Variants in TLK1 observed in about 807,000 individuals in gnomAD.
TLK1 encodes tousled like kinase 1.
In TLK1, 24 loss-of-function variants were observed where a neutral mutation model predicts 105.3. That is an observed-to-expected ratio of 0.23 (90% confidence interval 0.17 to 0.32). The LOEUF is 0.32. TLK1 is among the 10% of genes least tolerant of loss of function. TLK1 has a pLI of 1.00. For missense variants in TLK1, 558 were observed against 910.5 expected, an observed-to-expected ratio of 0.61 and a Z score of 4.98; for synonymous variants, 321 against 310.4, an observed-to-expected ratio of 1.03 and a Z score of -0.36.
intron 1 of TLK1, among the ~76,000 whole-genome samples, chr2:171,167,072 C>A (rs920260376): frequency 6.6e-6 from 1 of 152,158 alleles, no homozygotes; most frequent in Non-Finnish European, 1.5e-5. Context: ...GTGGTTACCT[C>A]CTTCAAGGAA....
At chr2:171,052,713 T>C (rs1289021590) in intron 8 of TLK1, among the ~76,000 whole-genome samples, 1 of 152,116 alleles carries the variant, frequency 6.6e-6, no homozygotes, top group Non-Finnish European at 1.5e-5. Flanking sequence ...CACCAAGGCA[T>C]CACAAATACA....
At chr2:171,072,639 G>A (rs1260676527) in intron 3 of TLK1, among the ~76,000 whole-genome samples, 1 of 152,114 alleles carries the variant, frequency 6.6e-6, no homozygotes, top group Non-Finnish European at 1.5e-5. Flanking sequence ...GTGGTGGTGG[G>A]CGCCTGTAAT....
intron 1 of TLK1, among the ~76,000 whole-genome samples, chr2:171,222,884 G>T (rs1460074576): frequency 1.3e-5 from 2 of 151,974 alleles, no homozygotes; most frequent in East Asian, 3.9e-4. Context: ...GTGCAATCTC[G>T]GCTCACTGCA....
chr2:170,997,823 C>T lies in TLK1; in HGVS notation c.1905G>A (p.Trp635Ter). Residue 635 changes from tryptophan (W) to a stop codon, truncating the protein, a stop_gained and splice_region_variant, in exon 19 of 21, where the codon TGG (tryptophan) becomes TGA (stop). Coordinates refer to ENST00000431350, the MANE Select transcript of TLK1 (RefSeq NM_012290.5). LOFTEE classifies it high-confidence loss of function. ...CTACAAAACACTCAGGAGGTAAATA[C>T]CTGTAAGTTTTGTGGGAGAGAAAAA... ...DLTSQGAGTY[W>*]YLPPECFVVG... The T allele has an allele frequency of 6.3e-7, 1 of 1,580,234 alleles. No individual in the cohort carries two copies. Among genetic ancestry groups the T allele is most frequent in the Non-Finnish European group, 8.6e-7 (1 of 1,158,674 alleles).
At chr2:171,062,575 C>T (rs888807811) in intron 3 of TLK1, among the ~76,000 whole-genome samples, 1 of 152,168 alleles carries the variant, frequency 6.6e-6, no homozygotes, top group African/African-American at 2.4e-5. Flanking sequence ...CCCTATCTCA[C>T]CCTCTTACCC....
intron 11 of TLK1, among the ~76,000 whole-genome samples, chr2:171,040,561 CTTTT>C (rs1181007351): frequency 1.6e-5 from 2 of 123,614 alleles, no homozygotes; most frequent in African/African-American, 3.0e-5. Context: ...AAATATATTC[CTTTT>C]TTGTTTTTTT....
In TLK1 at chr2:171,046,239, T is replaced by C. The variant is rs777083135; in HGVS notation, c.1104A>G (p.Gln368=). 6.2e-7 allele frequency: 1 copy of C among 1,613,292 alleles called. No homozygotes were observed. Among genetic ancestry groups the C allele is most frequent in the East Asian group, 2.2e-5 (1 of 44,842 alleles). Residue 368 remains glutamine, a synonymous_variant, in exon 11 of 21, where the codon CAA becomes CAG. Transcript: ENST00000431350. ...QAPSTNSEPK[Q]RKNKAVNGAE... ...CTCCATTGACTGCTTTGTTTTTCCT[T>C]TGTTTTGGTTCAGAATTGGTAGAGG...
intron 1 of TLK1, among the ~76,000 whole-genome samples, chr2:171,184,025 T>C (rs569665074): frequency 1.3e-5 from 2 of 152,188 alleles, no homozygotes; most frequent in Non-Finnish European, 1.5e-5. Context: ...GTGGGTCCAA[T>C]CTAATCACAC....
At chr2:171,019,117 T>TA (rs796590531) in intron 12 of TLK1, among the ~76,000 whole-genome samples, 415 of 146,406 alleles carry the variant, frequency 2.8e-3, no homozygotes, top group African/African-American at 5.4e-3. Flanking sequence ...CAGTTAAAAT[T>TA]AAAAAAAAAA....
At chr2:171,186,692 T>C (rs1010511860) in intron 1 of TLK1, among the ~76,000 whole-genome samples, 1 of 152,166 alleles carries the variant, frequency 6.6e-6, no homozygotes, top group Non-Finnish European at 1.5e-5. Flanking sequence ...GCTTAAATAA[T>C]CACTTTGTAA....
chr2:171,230,887 G>A (rs1009092680), intron 1 of TLK1, among the ~76,000 whole-genome samples: 1 of 152,188 alleles, frequency 6.6e-6, no homozygotes, highest in Non-Finnish European at 1.5e-5. Context: ...ACTGACTTCA[G>A]TTTCCACTAT....
chr2:171,069,536 A>C (rs1216954971), intron 3 of TLK1, among the ~76,000 whole-genome samples: 1 of 152,240 alleles, frequency 6.6e-6, no homozygotes. Context: ...GTACAGAGGC[A>C]GAGATGCTGC....
intron 1 of TLK1, among the ~76,000 whole-genome samples, chr2:171,167,714 A>G (rs541181678): frequency 2.0e-5 from 3 of 152,340 alleles, no homozygotes; most frequent in African/African-American, 7.2e-5. Context: ...TGGAATTACT[A>G]GATTCTCAAA....
intron 1 of TLK1, among the ~76,000 whole-genome samples, chr2:171,132,080 G>C (rs755624044): frequency 6.6e-6 from 1 of 152,118 alleles, no homozygotes; most frequent in Non-Finnish European, 1.5e-5. Flanking sequence ...CTGCTATGAA[G>C]AAATACCTGA....
At chr2:171,058,852 A>C (rs989960108) in intron 4 of TLK1, among the ~76,000 whole-genome samples, 1 of 152,198 alleles carries the variant, frequency 6.6e-6, no homozygotes, top group Non-Finnish European at 1.5e-5. Context: ...ACTATACAGA[A>C]TACACGATTT....
At position 170,993,833 on chromosome 2, in the gene TLK1, C is replaced by T; in HGVS notation, c.2248G>A (p.Ala750Thr). The T allele has an allele frequency of 9.3e-6, 15 of 1,612,194 alleles. No homozygotes were observed. The highest frequency in any genetic ancestry group is 1.2e-5 in the Non-Finnish European group (14 of 1,179,212). The change falls in exon 21 of 21, where the codon GCT becomes ACT. Residue 750 changes from alanine (A) to threonine (T), a missense_variant. Physicochemically the swap from Ala to Thr is moderately conservative, Grantham distance 58. Transcript: ENST00000431350. The stretch of plus-strand genomic sequence containing the variant: ...GGTGTAGGGGATGCTGTCAGCCCAG[C>T]CATGTGTAGGTTTCCTGAAGAATTT... ...RSNSSGNLHM[A>T]GLTASPTPPS...
At chr2:171,191,739 C>T (rs1169019124) in intron 1 of TLK1, among the ~76,000 whole-genome samples, 1 of 152,206 alleles carries the variant, frequency 6.6e-6, no homozygotes, top group East Asian at 1.9e-4. Context: ...CTCTTTTTGT[C>T]ATTGACCTAT....
intron 3 of TLK1, among the ~76,000 whole-genome samples, chr2:171,062,746 C>T (rs1025617897): frequency 6.6e-6 from 1 of 152,176 alleles, no homozygotes; most frequent in Non-Finnish European, 1.5e-5. Context: ...TGATATCCTA[C>T]ATCAAGAACT....
intron 2 of TLK1, among the ~76,000 whole-genome samples, chr2:171,100,715 T>C (rs967691506): frequency 6.6e-6 from 1 of 152,318 alleles, no homozygotes; most frequent in Admixed American, 6.5e-5. Context: ...CTCTCATGCA[T>C]TGCTGGTAGG....
Sources: gnomAD v4.1 joint callset for allele counts (sites outside exome capture counted in the v4.1 genomes callset) on GRCh38, gnomAD v4.1.1 for gene constraint, MANE v1.5 for transcripts, NCBI Gene and HGNC (gene_info 2026-07-23, HGNC 2026-07-21) for gene names.